ANKS1A: variants seen among roughly 807,000 people sequenced by gnomAD.
ANKS1A encodes the protein ankyrin repeat and sterile alpha motif domain containing 1A, also known as ankyrin repeat and SAM domain-containing protein 1A.
In ANKS1A, 55 loss-of-function variants were observed where a neutral mutation model predicts 120.3. The observed-to-expected ratio is 0.46, with a 90% CI of 0.37 to 0.57. The LOEUF is 0.57. Among genes scored for constraint, ANKS1A ranks in the 20% least tolerant of loss-of-function variants. ANKS1A has a pLI of 0.00. For missense variants in ANKS1A, 1,123 were observed against 1,480.3 expected (o/e 0.76, Z 3.96); for synonymous variants, 590 against 604.7 (o/e 0.98, Z 0.36).
At chr6:35,067,699 G>A (rs545809664) in intron 13 of ANKS1A, among the ~76,000 whole-genome samples, 25 of 152,198 alleles carry the variant, frequency 1.6e-4, no homozygotes, top group Non-Finnish European at 3.4e-4. Context: ...TCCCAATTTT[G>A]CTGAAGTTTT....
intron 1 of ANKS1A, among the ~76,000 whole-genome samples, chr6:34,893,898 A>G (rs1191867751): frequency 6.6e-6 from 1 of 152,228 alleles, no homozygotes; most frequent in Non-Finnish European, 1.5e-5. Context: ...AGATTAAATT[A>G]TGTTCAATAT....
chr6:34,999,477 G>T (rs1410322953), intron 10 of ANKS1A, among the ~76,000 whole-genome samples: 1 of 152,134 alleles, frequency 6.6e-6, no homozygotes, highest in Non-Finnish European at 1.5e-5. Context: ...TGAGCGTGGT[G>T]TTTTGTCTCA....
At chr6:35,052,883 G>A (rs1399514001) in intron 11 of ANKS1A, among the ~76,000 whole-genome samples, 1 of 152,114 alleles carries the variant, frequency 6.6e-6, no homozygotes, top group Non-Finnish European at 1.5e-5. Flanking sequence ...GGTCAGATTC[G>A]TTTCCCTCTG....
intron 10 of ANKS1A, among the ~76,000 whole-genome samples, chr6:35,007,536 G>T (rs572676424): frequency 7.0e-4 from 106 of 152,276 alleles, no homozygotes; most frequent in Non-Finnish European, 1.4e-3. Context: ...TTTGCTCGCT[G>T]GATGTTCTGG....
intron 3 of ANKS1A, among the ~76,000 whole-genome samples, chr6:34,971,167 A>G (rs1315284484): frequency 6.6e-6 from 1 of 152,214 alleles, no homozygotes; most frequent in African/African-American, 2.4e-5. Context: ...ACAAATCAGG[A>G]ACATGTGAGG....
At chr6:34,915,335 G>T (rs1055625492) in intron 1 of ANKS1A, among the ~76,000 whole-genome samples, 2 of 152,126 alleles carry the variant, frequency 1.3e-5, no homozygotes, top group Non-Finnish European at 2.9e-5. Flanking sequence ...TAGACTTGCC[G>T]CCTATAAGCA....
At chr6:35,072,718 A>C (rs1777142216) in intron 13 of ANKS1A, among the ~76,000 whole-genome samples, 1 of 152,132 alleles carries the variant, frequency 6.6e-6, no homozygotes, top group African/African-American at 2.4e-5. Context: ...GGTGGAGAAA[A>C]GGTGGCCAGG....
At chr6:35,062,462 T>C (rs964567934) in intron 13 of ANKS1A, among the ~76,000 whole-genome samples, 3 of 152,248 alleles carry the variant, frequency 2.0e-5, no homozygotes, top group African/African-American at 7.2e-5. Flanking sequence ...TTAGCTACAG[T>C]GGATCCCATG....
intron 3 of ANKS1A, among the ~76,000 whole-genome samples, chr6:34,976,840 G>A (rs1163262740): frequency 1.3e-5 from 2 of 152,052 alleles, no homozygotes; most frequent in Non-Finnish European, 2.9e-5. Flanking sequence ...TTGATATTAA[G>A]TCATGGACAT....
Position 34,919,966 on chromosome 6 carries a change from T to G in ANKS1A, c.197+30367T>G, listed in dbSNP as rs138570442. Among the ~76,000 whole-genome samples the G allele has an allele frequency of 6.0e-3, 918 of 152,232 alleles. 10 individuals are homozygous for G. Among genetic ancestry groups the G allele is most frequent in the African/African-American group, 0.021 (876 of 41,528 alleles). On this transcript the variant is annotated intron_variant, in intron 1 of 23. Transcript: ENST00000360359. ...TTATGCTATATTGTAATTTCCTGTT[T>G]GCTTATTTCTACCCACTTCTAGATG...
At chr6:35,059,672 CAG>C in intron 12 of ANKS1A, among the ~76,000 whole-genome samples, 1 of 152,350 alleles carries the variant, frequency 6.6e-6, no homozygotes, top group East Asian at 1.9e-4. Context: ...CACGGCCCCA[CAG>C]GGGCTCCAGA....
downstream of ANKS1A, among the ~76,000 whole-genome samples, chr6:35,095,594 GAGAA>G (rs1309242902): frequency 1.8e-4 from 16 of 89,706 alleles, no homozygotes; most frequent in East Asian, 8.1e-4. Flanking sequence ...GAAAGAAAGA[GAGAA>G]AGAAAGAGAG....
intron 1 of ANKS1A, among the ~76,000 whole-genome samples, chr6:34,919,401 C>T (rs1490916260): frequency 1.3e-5 from 2 of 152,194 alleles, no homozygotes; most frequent in Non-Finnish European, 2.9e-5. Flanking sequence ...CTGCTTTGCA[C>T]TAGATGCTTC....
intron 1 of ANKS1A, among the ~76,000 whole-genome samples, chr6:34,923,076 C>T (rs915348303): frequency 6.6e-6 from 1 of 152,198 alleles, no homozygotes; most frequent in Non-Finnish European, 1.5e-5. Flanking sequence ...AAGAAGACGT[C>T]TAGAAAGACT....
chr6:34,927,881 C>T (rs1768793374), intron 1 of ANKS1A, among the ~76,000 whole-genome samples: 1 of 152,122 alleles, frequency 6.6e-6, no homozygotes, highest in African/African-American at 2.4e-5. Flanking sequence ...TCACCCACCC[C>T]TTACAACCAA....
chr6:34,905,483 A>G (rs1043268748), intron 1 of ANKS1A, among the ~76,000 whole-genome samples: 5 of 151,812 alleles, frequency 3.3e-5, no homozygotes, highest in African/African-American at 1.2e-4. Context: ...GGATGGTTTC[A>G]CTTCTTGAGC....
intron 8 of ANKS1A, among the ~76,000 whole-genome samples, chr6:34,988,228 A>G (rs1366515682): frequency 1.3e-5 from 2 of 152,248 alleles, no homozygotes; most frequent in Admixed American, 1.3e-4. Context: ...CTTTTGCATT[A>G]TAATGGCAGA....
At chr6:34,935,799 A>G (rs1485315822) in intron 1 of ANKS1A, among the ~76,000 whole-genome samples, 1 of 151,938 alleles carries the variant, frequency 6.6e-6, no homozygotes, top group Non-Finnish European at 1.5e-5. Context: ...GCGGTGGCTC[A>G]CGCCTGTAAT....
In ANKS1A at chr6:34,926,561, T is replaced by C. The variant is rs147414839; in HGVS notation, c.197+36962T>C. 2.2e-3 allele frequency among the ~76,000 whole-genome samples: 341 copies of C among 152,316 alleles called. 1 individual carries two copies. The highest frequency in any genetic ancestry group is 7.7e-3 in the African/African-American group (320 of 41,576). ...TCCTTGACCCCTGGGCTGTGGACTT[T>C]GAGGTGCAAAGTATGCAGACAAAGA... On this transcript the variant is annotated intron_variant, in intron 1 of 23. Coordinates refer to ENST00000360359, the MANE Select transcript of ANKS1A (RefSeq NM_015245.3).
Sources: allele counts gnomAD v4.1 joint callset (sites outside exome capture counted in the v4.1 genomes callset), GRCh38; gene constraint gnomAD v4.1.1; transcripts MANE v1.5; gene names NCBI Gene and HGNC (gene_info 2026-07-23, HGNC 2026-07-21).